MMAB: variants seen among roughly 807,000 people sequenced by gnomAD.
MMAB encodes metabolism of cobalamin associated B.
A neutral mutation model predicts 30.6 loss-of-function variants in MMAB; 17 were observed. The observed-to-expected ratio is 0.56, with a 90% CI of 0.38 to 0.83. The LOEUF (loss-of-function observed/expected upper bound fraction) is 0.83. Among genes scored for constraint, MMAB ranks in the 40% least tolerant of loss-of-function variants. The pLI, the probability that MMAB is intolerant of heterozygous loss-of-function variation, is 0.00. For missense variants in MMAB, 311 were observed against 331.6 expected (o/e 0.94, Z 0.48); for synonymous variants, 134 against 138.6 (o/e 0.97, Z 0.23).
At position 109,561,584 on chromosome 12, in the gene MMAB, C is replaced by A. The variant is rs898690178; in HGVS notation, c.422-67G>T. On this transcript the variant is annotated intron_variant, in intron 5 of 8. Transcript: ENST00000545712. This position sits in a 1 kb window ranked among gnomAD's most constrained non-coding sequence, Gnocchi z 5.3. ...ACCCACCAGACCATGGCGGGAACCA[C>A]CCCCGCCGCCCTTCCACCTGGGTGT... The A allele has an allele frequency of 1.3e-5, 18 of 1,374,014 alleles. No homozygotes were observed. The highest frequency in any genetic ancestry group is 2.5e-5 in the South Asian group (2 of 80,412). 85.1% of individuals were successfully genotyped at this position (1,374,014 alleles called of 1,614,324 possible). A position where few individuals can be genotyped will look rare whatever the true frequency, so the allele number is the denominator to read the frequency against.
In MMAB at chr12:109,556,646, T is replaced by TCACACACA. The variant is rs1555273932; in HGVS notation, c.*381_*382insTGTGTGTG. 1.1e-4 allele frequency: 48 copies of TCACACACA among 427,872 alleles called. No individual in the cohort carries two copies. In the East Asian group the frequency reaches 1.2e-3, roughly 10 times the overall value. The allele number at this position is 427,872 out of a possible 1,614,324, so 26.5% of individuals were successfully genotyped here. A position where few individuals can be genotyped will look rare whatever the true frequency, so the allele number is the denominator to read the frequency against. On this transcript the variant is annotated 3_prime_UTR_variant, in exon 9 of 9. Transcript: ENST00000545712. Reference sequence around the variant, plus strand: ...CTGAGCTGGCAGTGGGAGGGCTCTCTCTCACACACACACACACACACACAC... The same window carrying TCACACACA: ...CTGAGCTGGCAGTGGGAGGGCTCTCTCACACACACTCACACACACACACACACACACAC...
At position 109,558,760 on chromosome 12, in the gene MMAB, C is replaced by T. The variant is rs930997285; in HGVS notation, c.644+336G>A. Among the ~76,000 whole-genome samples, 35 of 152,168 alleles carry T rather than the reference C, an allele frequency of 2.3e-4. No individual in the cohort carries two copies. The highest frequency in any genetic ancestry group is 7.2e-4 in the African/African-American group (30 of 41,504). ...GCCTGGCTCCCTGGTCAGTCACCACCGAGAGGCCTCCCCTGAGCACCCAGC... is the reference window on the plus strand; with the variant it reads ...GCCTGGCTCCCTGGTCAGTCACCACTGAGAGGCCTCCCCTGAGCACCCAGC... On this transcript the variant is annotated intron_variant, in intron 8 of 8. Transcript: ENST00000545712. The surrounding 1 kb of genome is among the most constrained non-coding windows in gnomAD (Gnocchi z 4.3).
At chr12:109,568,932 TA>T in intron 2 of MMAB, 69 bp from the exon 3 acceptor site, 2 of 1,111,656 alleles carry the variant, frequency 1.8e-6, no homozygotes, top group Admixed American at 1.8e-5. Context: ...TTTTTTTTTT[TA>T]AACTTTCAAA....
rs574980895 is a variant in MMAB, at chr12:109,559,254, C to A, written c.585-99G>T. The A allele has an allele frequency of 3.4e-5, 31 of 908,626 alleles. No homozygotes were observed. In the Middle Eastern group the frequency reaches 8.5e-4, roughly 25 times the overall value. 56.3% of individuals were successfully genotyped at this position (908,626 alleles called of 1,614,324 possible). A position where few individuals can be genotyped will look rare whatever the true frequency, so the allele number is the denominator to read the frequency against. ...AGCAGCATTTCACATCCTGCCACCG[C>A]TCAACCTGAACCTGCACAGGCTCGG... On this transcript the variant is annotated intron_variant, in intron 7 of 8. Coordinates refer to ENST00000545712, the MANE Select transcript of MMAB (RefSeq NM_052845.4).
intron 3 of MMAB, chr12:109,567,172 GAAAA>G: frequency 7.5e-5 from 24 of 318,616 alleles, no homozygotes; most frequent in Admixed American, 1.5e-4. Context: ...CTCCGTCTCG[GAAAA>G]AAAAAAAAAA....
chr12:109,555,798 C>A lies in MMAB; in HGVS notation c.*1230G>T, dbSNP rs11067231. 0.53 allele frequency: 238,442 copies of A among 453,606 alleles called. 65,034 individuals carry two copies. Among genetic ancestry groups the A allele is most frequent in the African/African-American group, 0.72 (36,213 of 49,974 alleles). The allele number at this position is 453,606 out of a possible 1,614,324, so 28.1% of individuals were successfully genotyped here. On this transcript the variant is annotated 3_prime_UTR_variant, in exon 9 of 9. Coordinates refer to ENST00000545712, the MANE Select transcript of MMAB (RefSeq NM_052845.4). ...TGGCCCTCCTGCAAACTTTGCAGGC[C>A]AGGTGGTAAGAATGAAGGCAAAAAT...
chr12:109,554,860 G>T lies in MMAB; in HGVS notation c.*2168C>A. ...TTTCTCCATTTTTCCCAGGTTGGTA[G>T]CACAGGAGAGAAACACCTGCTGAGT... On this transcript the variant is annotated 3_prime_UTR_variant, in exon 9 of 9. Transcript: ENST00000545712. 1 of 453,898 alleles carries T rather than the reference G, an allele frequency of 2.2e-6. No homozygotes were observed. The highest frequency in any genetic ancestry group is 4.4e-6 in the Non-Finnish European group (1 of 226,602). The allele number at this position is 453,898 out of a possible 1,614,324, so 28.1% of individuals were successfully genotyped here. A position where few individuals can be genotyped will look rare whatever the true frequency, so the allele number is the denominator to read the frequency against.
At chr12:109,568,429 A>G in intron 3 of MMAB, 1 of 391,904 alleles carries the variant, frequency 2.6e-6, no homozygotes, top group South Asian at 2.8e-5. Flanking sequence ...AAGGGATCAC[A>G]TTGGATGTAC....
Position 109,554,373 on chromosome 12 carries a change from C to G in MMAB, c.*2655G>C, listed in dbSNP as rs975871256. The G allele has an allele frequency of 2.6e-5, 12 of 453,978 alleles. No homozygotes were observed. Among genetic ancestry groups the G allele is most frequent in the African/African-American group, 2.4e-4 (12 of 49,984 alleles). 28.1% of individuals were successfully genotyped at this position (453,978 alleles called of 1,614,324 possible). On this transcript the variant is annotated 3_prime_UTR_variant, in exon 9 of 9. Transcript: ENST00000545712. ...TCTCTGGAAATGACACTAAACACCC[C>G]ATTCCAGGGAGCCTGACCTGGAGGC...
rs376219481 is a variant in MMAB, at chr12:109,565,133, C to T, written c.334G>A (p.Glu112Lys). 36 of 1,613,794 alleles carry T rather than the reference C, an allele frequency of 2.2e-5. No homozygotes were observed. Among genetic ancestry groups the T allele is most frequent in the African/African-American group, 5.3e-5 (4 of 74,886 alleles). The change falls in exon 4 of 9, where the codon GAA (glutamate) becomes AAA (lysine). Residue 112 changes from glutamate (E) to lysine (K), a missense_variant. Coordinates refer to ENST00000545712, the MANE Select transcript of MMAB (RefSeq NM_052845.4). ...GTGTTACTCACTTTCTGAAGCTCTT[C>T]GGCAAATGTATGGCCCTTTTCTGTG... ...LVTEKGHTFA[E>K]ELQKIQCTLQ...
chr12:109,560,983 TCCC>T (rs1884170768), intron 7 of MMAB, 54 bp downstream of exon 7: 1 of 381,824 alleles, frequency 2.6e-6, no homozygotes, highest in African/African-American at 4.9e-5. Flanking sequence ...CCCTCCCCCC[TCCC>T]CCTTGTTCCT....
rs1225364250 is a variant in MMAB, at chr12:109,553,730, T to C, written c.*3298A>G. 2 of 400,204 alleles carry C rather than the reference T, an allele frequency of 5.0e-6. No homozygotes were observed. Among genetic ancestry groups the C allele is most frequent in the Non-Finnish European group, 1.0e-5 (2 of 199,110 alleles). The allele number at this position is 400,204 out of a possible 1,614,324, so 24.8% of individuals were successfully genotyped here. A position where few individuals can be genotyped will look rare whatever the true frequency, so the allele number is the denominator to read the frequency against. On this transcript the variant is annotated 3_prime_UTR_variant, in exon 9 of 9. Coordinates refer to ENST00000545712, the MANE Select transcript of MMAB (RefSeq NM_052845.4). ...CAGGCACTGATTTATGTAGCATTCA[T>C]GCGGAATTTATTATACAAAGAATTT...
At chr12:109,568,671 T>G (rs192496152) in intron 3 of MMAB, 99 bp downstream of exon 3, 1 of 964,948 alleles carries the variant, frequency 1.0e-6, no homozygotes, top group Non-Finnish European at 1.7e-6. Context: ...GCTGACAACC[T>G]CCGAGGCTGC....
Position 109,554,696 on chromosome 12 carries a change from A to G in MMAB, c.*2332T>C. 2.2e-6 allele frequency: 1 copy of G among 454,074 alleles called. No homozygotes were observed. Among genetic ancestry groups the G allele is most frequent in the South Asian group, 1.6e-5 (1 of 64,470 alleles). The allele number at this position is 454,074 out of a possible 1,614,324, so 28.1% of individuals were successfully genotyped here. A position where few individuals can be genotyped will look rare whatever the true frequency, so the allele number is the denominator to read the frequency against. ...CATTAACTTTTCCCACCTGGTTCAA[A>G]ATATGGGAGGACATTTGCTCAGTGT... On this transcript the variant is annotated 3_prime_UTR_variant, in exon 9 of 9. Transcript: ENST00000545712.
In MMAB at chr12:109,556,530, T is replaced by A; in HGVS notation, c.*498A>T. On this transcript the variant is annotated 3_prime_UTR_variant, in exon 9 of 9. Transcript: ENST00000545712. ...TCCAAATCTTGTCCGCCTTCCCCTT[T>A]ACAAATGTGACATTTAAAGCACCTT... 2.2e-6 allele frequency: 1 copy of A among 454,056 alleles called. No homozygotes were observed. The highest frequency in any genetic ancestry group is 2.3e-5 in the Admixed American group (1 of 42,566). The allele number at this position is 454,056 out of a possible 1,614,324, so 28.1% of individuals were successfully genotyped here.
chr12:109,568,917 CTGT>C, intron 2 of MMAB, 54 bp from the exon 3 acceptor site: 6 of 1,261,256 alleles, frequency 4.8e-6, no homozygotes, highest in Non-Finnish European at 6.9e-6. Context: ...TCCTGATATG[CTGT>C]TTTTTTTTTT....
intron 1 of MMAB, 150 bp from the exon 2 acceptor site, chr12:109,571,860 C>G: frequency 1.4e-6 from 1 of 714,890 alleles, no homozygotes; most frequent in Non-Finnish European, 2.6e-6. Flanking sequence ...TGATTTCTTT[C>G]CCCTAGATCC....
Position 109,559,154 on chromosome 12 carries a change from C to T in MMAB, c.586G>A (p.Val196Met). Residue 196 changes from valine to methionine, a missense_variant and splice_region_variant, in exon 8 of 9, where the codon GTG becomes ATG. Physicochemically the swap from Val to Met is conservative, Grantham distance 21. Transcript: ENST00000545712. ...RAVCRRAERR[V>M]VPLVQMGETD... ...TCTCCCATCTGGACAAGAGGCACCA[C>T]ACTAGAAAGGGAGGAGACACTGAGT... 1 of 1,613,290 alleles carries T rather than the reference C, an allele frequency of 6.2e-7. No individual in the cohort carries two copies. The highest frequency in any genetic ancestry group is 8.5e-7 in the Non-Finnish European group (1 of 1,179,338).
In MMAB at chr12:109,561,063, G is replaced by C. The variant is rs370773720; in HGVS notation, c.561C>G (p.Ala187=). 6 of 1,539,796 alleles carry C rather than the reference G, an allele frequency of 3.9e-6. No homozygotes were observed. The Admixed American group carries it at 8.7e-5, about 22-fold the overall frequency. ...ACCGTCTCTCGGCCCGGCGGCACACGGCCCGGCAGAAATGCAGCGCCGAGC... is the reference window on the plus strand; with the variant it reads ...ACCGTCTCTCGGCCCGGCGGCACACCGCCCGGCAGAAATGCAGCGCCGAGC... ...KISSALHFCR[A]VCRRAERRVV... Residue 187 remains alanine (A), a synonymous_variant, in exon 7 of 9, where the codon GCC becomes GCG. Coordinates refer to ENST00000545712, the MANE Select transcript of MMAB (RefSeq NM_052845.4). The surrounding 1 kb of genome is among the most constrained non-coding windows in gnomAD (Gnocchi z 5.3).
Sources: allele counts gnomAD v4.1 joint callset (sites outside exome capture counted in the v4.1 genomes callset), GRCh38; gene constraint gnomAD v4.1.1; non-coding constraint Gnocchi (gnomAD v3.1); transcripts MANE v1.5; gene names NCBI Gene and HGNC (gene_info 2026-07-23, HGNC 2026-07-21).